SNX29: variants seen among roughly 807,000 people sequenced by gnomAD.
SNX29 encodes sorting nexin 29.
SNX29 carries 78 observed loss-of-function variants against 102.1 expected under a neutral mutation model. That is an observed-to-expected ratio of 0.76 (90% CI 0.64 to 0.92). The LOEUF (loss-of-function observed/expected upper bound fraction) is 0.92, where lower values mean the gene tolerates loss of function less well. SNX29 is among the 40% of genes least tolerant of loss of function. SNX29 has a pLI of 0.00. For synonymous variants in SNX29, 580 were observed against 414.5 expected, an observed-to-expected ratio of 1.40 and a Z score of -4.85; for missense variants, 1,280 against 1,061.7, an observed-to-expected ratio of 1.21 and a Z score of -2.86.
chr16:12,076,217 A>G (rs566650741), intron 10 of SNX29, among the ~76,000 whole-genome samples: 3 of 152,166 alleles, frequency 2.0e-5, no homozygotes, highest in Admixed American at 2.0e-4. Context: ...CCTCAGATGC[A>G]AATGCAGAAA....
intron 20 of SNX29, among the ~76,000 whole-genome samples, chr16:12,555,949 A>C (rs1294516491): frequency 6.6e-6 from 1 of 151,964 alleles, no homozygotes. Flanking sequence ...ACATCACACC[A>C]ACTTGTAACA....
At chr16:12,316,544 A>G (rs2080748907) in intron 15 of SNX29, among the ~76,000 whole-genome samples, 1 of 152,096 alleles carries the variant, frequency 6.6e-6, no homozygotes, top group Non-Finnish European at 1.5e-5. Context: ...CTCCATTTCA[A>G]AAAACAACAA....
chr16:12,478,844 G>T (rs956801676), intron 19 of SNX29, among the ~76,000 whole-genome samples: 1 of 152,186 alleles, frequency 6.6e-6, no homozygotes, highest in South Asian at 2.1e-4. Context: ...GGGATGAATA[G>T]TTCTCTAAGT....
At chr16:12,427,332 T>C (rs539934395) in intron 18 of SNX29, among the ~76,000 whole-genome samples, 9 of 152,278 alleles carry the variant, frequency 5.9e-5, no homozygotes, top group African/African-American at 2.2e-4. Context: ...TATTTTTAAA[T>C]GTTGGCAACC....
At position 12,572,527 on chromosome 16, in the gene SNX29, C is replaced by T. The variant is rs146286513; in HGVS notation, c.*3898C>T. 9.4e-7 allele frequency: 1 copy of T among 1,064,210 alleles called. No homozygotes were observed. Among genetic ancestry groups the T allele is most frequent in the Non-Finnish European group, 1.1e-6 (1 of 878,586 alleles). 65.9% of individuals were successfully genotyped at this position (1,064,210 alleles called of 1,614,324 possible). On this transcript the variant is annotated 3_prime_UTR_variant, in exon 21 of 21. Coordinates refer to ENST00000566228, the MANE Select transcript of SNX29 (RefSeq NM_032167.5). Reference sequence around the variant, plus strand: ...CTTCCTGCTCCACGTGCTCAAGCCCCCACAGGGGGCTGCGACACCATCTGG... The same window carrying T: ...CTTCCTGCTCCACGTGCTCAAGCCCTCACAGGGGGCTGCGACACCATCTGG...
intron 14 of SNX29, among the ~76,000 whole-genome samples, chr16:12,200,392 C>T (rs902599354): frequency 1.3e-5 from 2 of 152,090 alleles, no homozygotes; most frequent in African/African-American, 4.8e-5. Flanking sequence ...GTCTTGCAGC[C>T]CTCAGCCAAA....
intron 19 of SNX29, among the ~76,000 whole-genome samples, chr16:12,512,994 C>A (rs11641041): frequency 0.39 from 59,864 of 151,896 alleles, 12,598 homozygotes; most frequent in South Asian, 0.61. Flanking sequence ...CCTTGTCCCC[C>A]CAGAGGGCAG....
intron 19 of SNX29, among the ~76,000 whole-genome samples, chr16:12,484,892 C>G (rs965674724): frequency 1.4e-4 from 22 of 152,174 alleles, no homozygotes; most frequent in African/African-American, 5.3e-4. Flanking sequence ...TCTCTCTGCA[C>G]CAGCATGGAA....
intron 14 of SNX29, among the ~76,000 whole-genome samples, chr16:12,200,014 C>G (rs1168131861): frequency 4.6e-5 from 7 of 152,052 alleles, no homozygotes; most frequent in African/African-American, 1.7e-4. Flanking sequence ...GCCACGGGTG[C>G]AAGCAACAGA....
At chr16:12,335,279 T>G (rs188965170) in intron 15 of SNX29, among the ~76,000 whole-genome samples, 1 of 152,220 alleles carries the variant, frequency 6.6e-6, no homozygotes, top group African/African-American at 2.4e-5. Context: ...TTGGAAAAGA[T>G]TCTTTAATTT....
chr16:12,123,114 C>T (rs933949827), intron 11 of SNX29, among the ~76,000 whole-genome samples: 2 of 152,178 alleles, frequency 1.3e-5, no homozygotes, highest in African/African-American at 2.4e-5. Flanking sequence ...GCATGAGCCA[C>T]CGTGCCCAGC....
Position 12,507,363 on chromosome 16 carries a change from C to T in SNX29, c.2179-17339C>T, listed in dbSNP as rs191242754. 2.9e-3 allele frequency among the ~76,000 whole-genome samples: 447 copies of T among 152,300 alleles called. 1 individual carries two copies. Among genetic ancestry groups the T allele is most frequent in the Non-Finnish European group, 4.6e-3 (311 of 68,022 alleles). ...GCGTTGCTGGTATTTGTGTGCTAGC[C>T]CTGTGGTCCCAGGTCTGGACAGTCA... On this transcript the variant is annotated intron_variant, in intron 19 of 20. Transcript: ENST00000566228.
intron 18 of SNX29, among the ~76,000 whole-genome samples, chr16:12,440,157 G>A (rs1332085652): frequency 6.6e-6 from 1 of 152,208 alleles, no homozygotes; most frequent in Non-Finnish European, 1.5e-5. Flanking sequence ...GTCAGCACCT[G>A]TCACATCCTC....
intron 18 of SNX29, among the ~76,000 whole-genome samples, chr16:12,459,685 G>A (rs895223361): frequency 2.6e-5 from 4 of 152,186 alleles, no homozygotes; most frequent in Admixed American, 1.3e-4. Context: ...GAGGAAGCAG[G>A]ATCCCTTGGG....
intron 20 of SNX29, among the ~76,000 whole-genome samples, chr16:12,540,916 C>G (rs550776800): frequency 2.0e-5 from 3 of 152,192 alleles, no homozygotes; most frequent in Admixed American, 6.5e-5. Context: ...ACAGCCCTGT[C>G]TGTTCACCCC....
At chr16:12,107,338 GTTTTTTTTT>G (rs34594204) in intron 11 of SNX29, among the ~76,000 whole-genome samples, 1 of 137,270 alleles carries the variant, frequency 7.3e-6, no homozygotes, top group Non-Finnish European at 1.6e-5. Flanking sequence ...AGCACTGTGG[GTTTTTTTTT>G]TTTTTTTTTA....
intron 18 of SNX29, among the ~76,000 whole-genome samples, chr16:12,422,800 A>G (rs907048674): frequency 6.6e-6 from 1 of 152,212 alleles, no homozygotes; most frequent in Non-Finnish European, 1.5e-5. Context: ...TCAGCCCCCG[A>G]CAGAGCAGTC....
At chr16:12,239,131 T>C (rs1344678031) in intron 14 of SNX29, among the ~76,000 whole-genome samples, 1 of 152,190 alleles carries the variant, frequency 6.6e-6, no homozygotes, top group Admixed American at 6.5e-5. Context: ...GCTTGGCACA[T>C]GGCCTTTCTG....
intron 13 of SNX29, among the ~76,000 whole-genome samples, chr16:12,134,146 T>TA (rs1198326047): frequency 3.3e-5 from 5 of 152,156 alleles, no homozygotes; most frequent in South Asian, 2.1e-4. Context: ...AGACATATGT[T>TA]AAAAAAGACA....
Sources: allele counts gnomAD v4.1 joint callset (sites outside exome capture counted in the v4.1 genomes callset), GRCh38; gene constraint gnomAD v4.1.1; transcripts MANE v1.5; gene names NCBI Gene and HGNC (gene_info 2026-07-23, HGNC 2026-07-21).